The following ADGRV1 variants were observed in gnomAD, a reference collection of about 807,000 sequenced individuals.
The protein encoded by ADGRV1 is G-protein coupled receptor 98.
A neutral mutation model predicts 596.2 loss-of-function variants in ADGRV1; 359 were observed. The ratio of observed to expected loss-of-function variants is 0.60; its 90% CI spans 0.55 to 0.66. The LOEUF is 0.66. Ranked by LOEUF, ADGRV1 falls within the 30% of genes least tolerant of loss-of-function variation. The pLI, the probability that ADGRV1 is intolerant of heterozygous loss-of-function variation, is 0.00. For synonymous variants in ADGRV1, 2,681 were observed against 2,679.2 expected, an observed-to-expected ratio of 1.00 and a Z score of -0.02; for missense variants, 7,274 against 7,575.6, an observed-to-expected ratio of 0.96 and a Z score of 1.48.
intron 50 of ADGRV1, among the ~76,000 whole-genome samples, chr5:90,742,837 G>A (rs933778444): frequency 2.0e-5 from 3 of 152,166 alleles, no homozygotes; most frequent in Non-Finnish European, 4.4e-5. Flanking sequence ...GATTAGATAC[G>A]GAGGGAGACA....
At chr5:91,002,934 C>A (rs974139614) in intron 85 of ADGRV1, among the ~76,000 whole-genome samples, 14 of 152,152 alleles carry the variant, frequency 9.2e-5, no homozygotes, top group African/African-American at 3.1e-4. Context: ...CCTACATAGC[C>A]TAGTTATCTG....
intron 87 of ADGRV1, among the ~76,000 whole-genome samples, chr5:91,144,327 G>T (rs1185998191): frequency 6.6e-6 from 1 of 152,120 alleles, no homozygotes; most frequent in East Asian, 1.9e-4. Flanking sequence ...GTTTTTAGAG[G>T]CAGGGTCTGG....
chr5:90,565,755 G>T (rs2151946011), intron 1 of ADGRV1, among the ~76,000 whole-genome samples: 1 of 152,270 alleles, frequency 6.6e-6, no homozygotes, highest in East Asian at 1.9e-4. Flanking sequence ...ATTTTTTGAA[G>T]AATTTCCAGC....
At chr5:90,667,054 C>A (rs1771558748) in intron 21 of ADGRV1, among the ~76,000 whole-genome samples, 1 of 152,024 alleles carries the variant, frequency 6.6e-6, no homozygotes, top group Admixed American at 6.6e-5. Context: ...TTTTTTCCTT[C>A]ATTTCAACTT....
At chr5:90,978,512 T>C (rs1056999398) in intron 84 of ADGRV1, among the ~76,000 whole-genome samples, 3 of 152,088 alleles carry the variant, frequency 2.0e-5, no homozygotes, top group African/African-American at 7.2e-5. Flanking sequence ...TAGTATTTGA[T>C]AGCACAACAG....
chr5:90,778,806 G>C (rs1403359519), intron 63 of ADGRV1, 59 bp from the exon 64 acceptor site: 2 of 1,373,218 alleles, frequency 1.5e-6, no homozygotes, highest in Non-Finnish European at 2.0e-6. Context: ...TTTAGTTACA[G>C]ACAGTATTGT....
intron 75 of ADGRV1, 32 bp from the exon 76 acceptor site, chr5:90,823,393 T>C: frequency 3.1e-6 from 5 of 1,607,634 alleles, no homozygotes; most frequent in South Asian, 1.1e-5. Context: ...TGACACCCTC[T>C]GTTAAGGCAT....
chr5:91,045,605 A>G (rs1218165317), intron 85 of ADGRV1, among the ~76,000 whole-genome samples: 1 of 152,152 alleles, frequency 6.6e-6, no homozygotes, highest in Non-Finnish European at 1.5e-5. Context: ...AAAAGTTGAG[A>G]ACTGCAATAA....
chr5:90,611,761 T>A (rs1762755663), intron 1 of ADGRV1, among the ~76,000 whole-genome samples: 1 of 151,980 alleles, frequency 6.6e-6, no homozygotes, highest in Non-Finnish European at 1.5e-5. Flanking sequence ...AAGACTTATG[T>A]GCTGTGTCAA....
intron 84 of ADGRV1, among the ~76,000 whole-genome samples, chr5:90,967,185 A>T (rs1442416309): frequency 6.6e-6 from 1 of 152,162 alleles, no homozygotes; most frequent in Non-Finnish European, 1.5e-5. Context: ...GGCACCCTGG[A>T]TCTGGATTTG....
chr5:90,779,268 G>GT (rs111907865), intron 64 of ADGRV1, 171 bp downstream of exon 64: 22,061 of 348,424 alleles, frequency 0.063, 57 homozygotes, highest in East Asian at 0.073. Flanking sequence ...CAATGACTGA[G>GT]TTTTTTTTTT....
chr5:91,046,943 A>G (rs1395061509), intron 85 of ADGRV1, among the ~76,000 whole-genome samples: 1 of 152,226 alleles, frequency 6.6e-6, no homozygotes, highest in African/African-American at 2.4e-5. Flanking sequence ...GATCCGGGAA[A>G]TGCAAACCAA....
rs77381326 is a variant in ADGRV1 at position 90,720,869 on chromosome 5, A to T, written c.9624-66A>T. ...GTATTAAGTATATGCTAGCAATATG[A>T]TATATATTTCAAATATGTAGAATGT... is the stretch of plus-strand genomic sequence containing the variant. On this transcript the variant is annotated intron_variant, in intron 44 of 89. Transcript: ENST00000405460. 1.2e-3 allele frequency: 1,572 copies of T among 1,319,184 alleles called. 13 individuals carry two copies. In the East Asian group the frequency reaches 0.015, roughly 13 times the overall value. The allele number at this position is 1,319,184 out of a possible 1,614,324, so 81.7% of individuals were successfully genotyped here.
chr5:90,745,155 T>C lies in ADGRV1; in HGVS notation c.10659T>C (p.Ser3553=), dbSNP rs753924355. Residue 3553 remains serine, a synonymous_variant, in exon 51 of 90, where the codon TCT becomes TCC. Coordinates refer to ENST00000405460, the MANE Select transcript of ADGRV1 (RefSeq NM_032119.4). ...LEVPSAYDVA[S]VTVKSLNSSK... is the part of the protein sequence containing the mutation. ...TACCTTCTGCTTATGATGTGGCTTC[T>C]GTTACAGTAAAGTCCCTTAATTCAA... 4.3e-6 allele frequency: 7 copies of C among 1,613,496 alleles called. No individual in the cohort carries two copies. The South Asian group carries it at 6.6e-5, about 15-fold the overall frequency.
At chr5:91,013,784 T>G (rs1345690665) in intron 85 of ADGRV1, among the ~76,000 whole-genome samples, 1 of 151,984 alleles carries the variant, frequency 6.6e-6, no homozygotes, top group Non-Finnish European at 1.5e-5. Context: ...TCTTTGCTAT[T>G]TCTATGTGTA....
chr5:90,611,554 T>C (rs999522157), intron 1 of ADGRV1, among the ~76,000 whole-genome samples: 1 of 151,974 alleles, frequency 6.6e-6, no homozygotes, highest in Admixed American at 6.6e-5. Context: ...ATCATCCCAT[T>C]AGAGAAGAGG....
intron 85 of ADGRV1, among the ~76,000 whole-genome samples, chr5:91,065,977 G>T (rs1057239634): frequency 8.5e-5 from 13 of 152,194 alleles, no homozygotes; most frequent in Admixed American, 8.5e-4. Context: ...TTATGTGGTT[G>T]TAAGACCCCA....
chr5:90,646,169 T>C, intron 16 of ADGRV1, 78 bp downstream of exon 16: 1 of 921,786 alleles, frequency 1.1e-6, no homozygotes, highest in Non-Finnish European at 1.5e-6. Flanking sequence ...CACGTGCATA[T>C]ATACATTTAT....
At chr5:90,909,399 A>G (rs1003418096) in intron 83 of ADGRV1, among the ~76,000 whole-genome samples, 1 of 151,914 alleles carries the variant, frequency 6.6e-6, no homozygotes, top group African/African-American at 2.4e-5. Flanking sequence ...TGTGACCTAT[A>G]TGTTGTAACG....
Sources: gnomAD v4.1 joint callset for allele counts (sites outside exome capture counted in the v4.1 genomes callset) on GRCh38, gnomAD v4.1.1 for gene constraint, MANE v1.5 for transcripts, NCBI Gene and HGNC (gene_info 2026-07-23, HGNC 2026-07-21) for gene names.